Variants in STRN observed in about 807,000 individuals in gnomAD.
STRN encodes the protein protein phosphatase 2 regulatory subunit B'''alpha.
A neutral mutation model predicts 96.3 loss-of-function variants in STRN; 53 were observed. The ratio of observed to expected loss-of-function variants is 0.55; its 90% confidence interval spans 0.44 to 0.69. The LOEUF is 0.69. STRN is among the 30% of genes least tolerant of loss of function. STRN has a pLI of 0.00. For missense variants in STRN, 987 were observed against 963.9 expected, an observed-to-expected ratio of 1.02 and a Z score of -0.32; for synonymous variants, 428 against 355.9, an observed-to-expected ratio of 1.20 and a Z score of -2.28.
At chr2:36,935,863 G>A (rs1225202028) in intron 1 of STRN, among the ~76,000 whole-genome samples, 1 of 152,110 alleles carries the variant, frequency 6.6e-6, no homozygotes, top group Non-Finnish European at 1.5e-5. Flanking sequence ...TAGAAAGTCT[G>A]TTTTTCCTTA....
chr2:36,861,248 G>A lies in STRN; in HGVS notation c.1553C>T (p.Pro518Leu), dbSNP rs1488136593. Residue 518 changes from proline to leucine, a missense_variant, in exon 13 of 18, where the codon CCA becomes CTA. Pro to Leu is a moderately conservative substitution (Grantham distance 98). Transcript: ENST00000263918. ...GCTGCTCATTACCACACAAAGCACT[G>A]GACCTCTGGGAGATTAAAAAAAATA... ...PIYTFRAHKGPVLCVVMSSNG... is the reference protein window; with the variant it reads ...PIYTFRAHKGLVLCVVMSSNG... 1.9e-6 allele frequency: 3 copies of A among 1,610,884 alleles called. No individual in the cohort carries two copies. The highest frequency in any genetic ancestry group is 2.5e-6 in the Non-Finnish European group (3 of 1,179,124).
intron 14 of STRN, 48 bp from the exon 15 acceptor site, chr2:36,855,400 G>A: frequency 1.3e-6 from 2 of 1,598,790 alleles, no homozygotes; most frequent in Non-Finnish European, 1.7e-6. Context: ...CCATCTACTT[G>A]ACAATCTGCT....
Position 36,845,521 on chromosome 2 carries a change from A to G in STRN, c.*3935T>C, listed in dbSNP as rs1177348287. On this transcript the variant is annotated 3_prime_UTR_variant, in exon 18 of 18. Coordinates refer to ENST00000263918, the MANE Select transcript of STRN (RefSeq NM_003162.4). ...TAGTTCAGGTATTTAACCTAAAAATATTTACTAGTTGAATCTTTACCACAT... is the reference window on the plus strand; with the variant it reads ...TAGTTCAGGTATTTAACCTAAAAATGTTTACTAGTTGAATCTTTACCACAT... 1 of 152,146 alleles carries G rather than the reference A, an allele frequency of 6.6e-6. No individual in the cohort carries two copies. Among genetic ancestry groups the G allele is most frequent in the African/African-American group, 2.4e-5 (1 of 41,432 alleles). The allele number at this position is 152,146 out of a possible 1,614,324, so 9.4% of individuals were successfully genotyped here.
chr2:36,839,506 G>A lies in STRN; in HGVS notation c.*9950C>T, dbSNP rs923427040. Among the ~76,000 whole-genome samples the A allele has an allele frequency of 2.2e-4, 34 of 152,198 alleles. 2 individuals are homozygous for A. On this transcript the variant is annotated 3_prime_UTR_variant, in exon 18 of 18. Transcript: ENST00000263918. ...ACATGACCAGAAGTCTGTATTCAGA[G>A]AGTGAACAAGTCATTTGCTGGATGC... is the stretch of plus-strand genomic sequence containing the variant.
intron 3 of STRN, among the ~76,000 whole-genome samples, chr2:36,912,176 A>G (rs1352670719): frequency 3.3e-5 from 5 of 151,864 alleles, no homozygotes; most frequent in Non-Finnish European, 7.4e-5. Context: ...TTATCTTCCT[A>G]TTTCGAGTAT....
At chr2:36,862,821 G>C (rs1202127635) in intron 12 of STRN, among the ~76,000 whole-genome samples, 12 of 151,338 alleles carry the variant, frequency 7.9e-5, no homozygotes, top group Non-Finnish European at 7.4e-5. Context: ...TGCAAGCTCT[G>C]CCTCCCGGGT....
At chr2:36,887,159 TGGC>T (rs1669256667) in intron 7 of STRN, among the ~76,000 whole-genome samples, 1 of 151,364 alleles carries the variant, frequency 6.6e-6, no homozygotes, top group Non-Finnish European at 1.5e-5. Context: ...CCAGGTGGGG[TGGC>T]TCACGCCTAT....
chr2:36,957,160 C>G (rs577926228), intron 1 of STRN, among the ~76,000 whole-genome samples: 1 of 152,180 alleles, frequency 6.6e-6, no homozygotes, highest in Non-Finnish European at 1.5e-5. Flanking sequence ...ATATACCTCA[C>G]ATTTAGCTAG....
chr2:36,848,418 A>G lies in STRN; in HGVS notation c.*1038T>C, dbSNP rs1306806656. ...CTCTTTGGGCTATTAATAATTATGA[A>G]CTGTTCTTGGTAGATGTCAGATAAC... On this transcript the variant is annotated 3_prime_UTR_variant, in exon 18 of 18. Coordinates refer to ENST00000263918, the MANE Select transcript of STRN (RefSeq NM_003162.4). 3 of 152,168 alleles carry G rather than the reference A, an allele frequency of 2.0e-5. No individual in the cohort carries two copies. Among genetic ancestry groups the G allele is most frequent in the Non-Finnish European group, 2.9e-5 (2 of 68,028 alleles). The allele number at this position is 152,168 out of a possible 1,614,324, so 9.4% of individuals were successfully genotyped here.
intron 1 of STRN, among the ~76,000 whole-genome samples, chr2:36,955,224 G>C (rs1324084924): frequency 6.6e-6 from 1 of 152,156 alleles, no homozygotes. Flanking sequence ...AGGACTCATG[G>C]GTTCTAAACT....
At chr2:36,879,101 T>C (rs1431739040) in intron 9 of STRN, among the ~76,000 whole-genome samples, 1 of 150,284 alleles carries the variant, frequency 6.7e-6, no homozygotes, top group Non-Finnish European at 1.5e-5. Context: ...GATGGAGTCA[T>C]GCTCTATGGC....
chr2:36,880,164 TG>T (rs917412551), intron 9 of STRN, among the ~76,000 whole-genome samples: 7 of 152,140 alleles, frequency 4.6e-5, no homozygotes, highest in African/African-American at 1.7e-4. Context: ...GATGGGGTTT[TG>T]CCACGTTGGC....
chr2:36,960,639 C>G (rs529611001), intron 1 of STRN, among the ~76,000 whole-genome samples: 2 of 152,238 alleles, frequency 1.3e-5, no homozygotes, highest in East Asian at 1.9e-4. Flanking sequence ...CATGAGAAAA[C>G]TAAGGCTCTG....
At chr2:36,851,920 A>G (rs954459376) in intron 15 of STRN, among the ~76,000 whole-genome samples, 1 of 152,228 alleles carries the variant, frequency 6.6e-6, no homozygotes, top group African/African-American at 2.4e-5. Flanking sequence ...TTGGAATCCT[A>G]AAAGTCAGCA....
rs531122501 is a variant in STRN, at chr2:36,878,515, T to A, written c.1187-488A>T. Among the ~76,000 whole-genome samples, 44 of 152,206 alleles carry A rather than the reference T, an allele frequency of 2.9e-4. No individual in the cohort carries two copies. The East Asian group carries it at 8.5e-3, about 29-fold the overall frequency. The stretch of plus-strand genomic sequence containing the variant: ...TATGTGACAAAATCTATATGTGGCG[T>A]TATAAGTCAGGATTACCTCTGCCGG... On this transcript the variant is annotated intron_variant, in intron 9 of 17. Transcript: ENST00000263918.
chr2:36,927,588 G>A (rs1670449095), intron 1 of STRN, among the ~76,000 whole-genome samples: 1 of 151,190 alleles, frequency 6.6e-6, no homozygotes, highest in Non-Finnish European at 1.5e-5. Flanking sequence ...CAGAACTTTG[G>A]GAGACTGAGG....
rs59999370 is a variant in STRN, at chr2:36,861,731, G to GCA, written c.1548-480_1548-479dup. 3.2e-3 allele frequency among the ~76,000 whole-genome samples: 479 copies of GCA among 150,572 alleles called. 2 individuals carry two copies. Among genetic ancestry groups the GCA allele is most frequent in the African/African-American group, 0.011 (447 of 40,994 alleles). On this transcript the variant is annotated intron_variant, in intron 12 of 17. Coordinates refer to ENST00000263918, the MANE Select transcript of STRN (RefSeq NM_003162.4). ...AAAAATGCAATGTATCATTGCGTGA[G>GCA]CACACACACACACACACACACACAC...
chr2:36,875,140 T>C (rs1668870279), intron 10 of STRN, among the ~76,000 whole-genome samples: 1 of 152,262 alleles, frequency 6.6e-6, no homozygotes, highest in East Asian at 1.9e-4. Flanking sequence ...TGTGATACTC[T>C]CTAGGGTACC....
At chr2:36,855,418 G>T in intron 14 of STRN, 66 bp from the exon 15 acceptor site, 1 of 1,536,906 alleles carries the variant, frequency 6.5e-7, no homozygotes, top group South Asian at 1.2e-5. Flanking sequence ...GCTTAAAATA[G>T]AGCAAAACAA....
Sources: allele counts gnomAD v4.1 joint callset (sites outside exome capture counted in the v4.1 genomes callset), GRCh38; gene constraint gnomAD v4.1.1; transcripts MANE v1.5; gene names NCBI Gene and HGNC (gene_info 2026-07-23, HGNC 2026-07-21).